The following PTPN4 variants were observed in gnomAD, a reference collection of about 807,000 sequenced individuals.
The protein encoded by PTPN4 is protein tyrosine phosphatase non-receptor type 4.
PTPN4 carries 49 observed loss-of-function variants against 135.5 expected under a neutral mutation model. That is an observed-to-expected ratio of 0.36 (90% CI 0.29 to 0.46). The LOEUF is 0.46. PTPN4 is among the 20% of genes least tolerant of loss of function. The probability of loss-of-function intolerance (pLI) is 1.00; values close to 1 mark genes in which losing one functional copy is unlikely to be tolerated. For synonymous variants in PTPN4, 333 were observed against 369.9 expected (o/e 0.90, Z 1.14); for missense variants, 860 against 1,101.0 (o/e 0.78, Z 3.10).
At chr2:119,782,730 C>T (rs1203188763) in intron 1 of PTPN4, among the ~76,000 whole-genome samples, 5 of 101,356 alleles carry the variant, frequency 4.9e-5, no homozygotes, top group Non-Finnish European at 8.9e-5. Context: ...TTTTTTGAGA[C>T]GACCTCACTC....
chr2:119,935,545 A>G (rs1678970029), intron 15 of PTPN4, among the ~76,000 whole-genome samples: 2 of 152,174 alleles, frequency 1.3e-5, no homozygotes, highest in Admixed American at 6.5e-5. Flanking sequence ...TGAGCTATCA[A>G]AACAAGTAGG....
intron 22 of PTPN4, among the ~76,000 whole-genome samples, chr2:119,960,063 A>G (rs1385384337): frequency 6.6e-6 from 1 of 152,190 alleles, no homozygotes; most frequent in East Asian, 1.9e-4. Context: ...ATATATGTTT[A>G]TATGTTGTAT....
intron 23 of PTPN4, among the ~76,000 whole-genome samples, chr2:119,961,211 C>A (rs547672094): frequency 2.2e-5 from 1 of 45,874 alleles, no homozygotes; most frequent in African/African-American, 7.0e-5. Flanking sequence ...TTGTGTCTAA[C>A]GTATATACAG....
At chr2:119,804,274 A>G (rs1490296828) in intron 1 of PTPN4, among the ~76,000 whole-genome samples, 3 of 151,602 alleles carry the variant, frequency 2.0e-5, no homozygotes, top group Non-Finnish European at 4.4e-5. Flanking sequence ...CACCATGCTC[A>G]GCTAATTTTT....
chr2:119,864,339 T>G (rs1677801774), intron 3 of PTPN4, among the ~76,000 whole-genome samples: 1 of 152,098 alleles, frequency 6.6e-6, no homozygotes, highest in Admixed American at 6.6e-5. Context: ...CCCTGATCAT[T>G]TAAAGGTGCT....
Position 119,831,638 on chromosome 2 carries a change from T to C in PTPN4, c.138+21647T>C, listed in dbSNP as rs79592871. On this transcript the variant is annotated intron_variant, in intron 2 of 26. Transcript: ENST00000263708. The stretch of plus-strand genomic sequence containing the variant: ...CTTTGTCCCTGTTAAACTCTTTAGC[T>C]CTGAAATCTATTTTATTTGATATTA... Among the ~76,000 whole-genome samples the C allele has an allele frequency of 2.7e-3, 406 of 152,338 alleles. 22 individuals are homozygous for C. In the East Asian group the frequency reaches 0.057, roughly 21 times the overall value.
In PTPN4 at chr2:119,760,160, G is replaced by GCCCGCCTCCCTGCCACCTC. The variant is rs2104911553; in HGVS notation, c.-238_-220dup. On this transcript the variant is annotated 5_prime_UTR_variant, in exon 1 of 27. Transcript: ENST00000263708. The stretch of plus-strand genomic sequence containing the variant: ...AGGGAGGTAGGAGAGGTCGCCGGCT[G>GCCCGCCTCCCTGCCACCTC]CCCGCCTCCCTGCCACCTCCCCAGC... 2.5e-6 allele frequency: 1 copy of GCCCGCCTCCCTGCCACCTC among 393,370 alleles called. No homozygotes were observed. The allele number at this position is 393,370 out of a possible 1,614,324, so 24.4% of individuals were successfully genotyped here. A position where few individuals can be genotyped will look rare whatever the true frequency, so the allele number is the denominator to read the frequency against.
At chr2:119,893,507 G>A (rs1678272982) in intron 9 of PTPN4, among the ~76,000 whole-genome samples, 1 of 152,076 alleles carries the variant, frequency 6.6e-6, no homozygotes, top group Non-Finnish European at 1.5e-5. Flanking sequence ...GGAAAAGTCT[G>A]GACTAGAAAT....
intron 2 of PTPN4, among the ~76,000 whole-genome samples, chr2:119,859,385 A>G (rs1677726677): frequency 6.6e-6 from 1 of 152,210 alleles, no homozygotes; most frequent in African/African-American, 2.4e-5. Flanking sequence ...GCTTTGTAGT[A>G]GGGAGTCACC....
At chr2:119,972,089 T>G (rs1036192239) in intron 26 of PTPN4, among the ~76,000 whole-genome samples, 3 of 152,210 alleles carry the variant, frequency 2.0e-5, no homozygotes, top group African/African-American at 7.2e-5. Flanking sequence ...TCCGTAACTC[T>G]TTTTCATTTT....
At chr2:119,962,085 T>C (rs1188018804) in intron 23 of PTPN4, among the ~76,000 whole-genome samples, 3 of 152,148 alleles carry the variant, frequency 2.0e-5, no homozygotes, top group Non-Finnish European at 4.4e-5. Flanking sequence ...TAAAAAATCT[T>C]AAGATTTAAT....
chr2:119,981,017 C>G lies in PTPN4; in HGVS notation c.*3947C>G, dbSNP rs1241675474. 6.6e-6 allele frequency: 1 copy of G among 151,942 alleles called. No individual in the cohort carries two copies. The highest frequency in any genetic ancestry group is 1.5e-5 in the Non-Finnish European group (1 of 67,902). 9.4% of individuals were successfully genotyped at this position (151,942 alleles called of 1,614,324 possible). A position where few individuals can be genotyped will look rare whatever the true frequency, so the allele number is the denominator to read the frequency against. Reference sequence around the variant, plus strand: ...GAGAGAAGGAAACATTAGTTTATAACAATGTGCTATTTAATATCTGTATTT... The same window carrying G: ...GAGAGAAGGAAACATTAGTTTATAAGAATGTGCTATTTAATATCTGTATTT... On this transcript the variant is annotated 3_prime_UTR_variant, in exon 27 of 27. Coordinates refer to ENST00000263708, the MANE Select transcript of PTPN4 (RefSeq NM_002830.4).
intron 26 of PTPN4, among the ~76,000 whole-genome samples, chr2:119,970,350 AG>A (rs1225891859): frequency 6.6e-6 from 1 of 152,064 alleles, no homozygotes; most frequent in Non-Finnish European, 1.5e-5. Flanking sequence ...ATGAGCCACC[AG>A]GCCCGGCTAT....
chr2:119,867,026 A>C (rs1677843212), intron 3 of PTPN4, among the ~76,000 whole-genome samples: 1 of 152,140 alleles, frequency 6.6e-6, no homozygotes, highest in African/African-American at 2.4e-5. Flanking sequence ...AAGAAGCAGG[A>C]GCATATGCAG....
intron 23 of PTPN4, among the ~76,000 whole-genome samples, 161 bp from the exon 24 acceptor site, chr2:119,962,455 A>AC (rs1679379958): frequency 6.9e-6 from 1 of 143,928 alleles, no homozygotes; most frequent in Admixed American, 6.9e-5. Context: ...ACTCCATCGC[A>AC]AAAAAAAAAA....
At chr2:119,915,121 T>G in intron 10 of PTPN4, 58 bp from the exon 11 acceptor site, 1 of 1,346,082 alleles carries the variant, frequency 7.4e-7, no homozygotes. Context: ...TTTTTCATAA[T>G]TTGTTAATAT....
intron 10 of PTPN4, among the ~76,000 whole-genome samples, chr2:119,906,101 T>G (rs1372661164): frequency 6.6e-6 from 1 of 151,926 alleles, no homozygotes; most frequent in Admixed American, 6.6e-5. Flanking sequence ...GAAAAAGCAA[T>G]AAAGATCAGA....
chr2:119,960,025 A>C (rs934498911), intron 22 of PTPN4, among the ~76,000 whole-genome samples: 1 of 152,196 alleles, frequency 6.6e-6, no homozygotes, highest in African/African-American at 2.4e-5. Flanking sequence ...TTTTTAAGCA[A>C]CAGTTTTACA....
intron 1 of PTPN4, among the ~76,000 whole-genome samples, chr2:119,808,719 A>C (rs1446560160): frequency 6.6e-6 from 1 of 152,088 alleles, no homozygotes; most frequent in Non-Finnish European, 1.5e-5. Flanking sequence ...CACCCAGCCC[A>C]ATCACTGTCT....
Sources: gnomAD v4.1 joint callset for allele counts (sites outside exome capture counted in the v4.1 genomes callset) on GRCh38, gnomAD v4.1.1 for gene constraint, MANE v1.5 for transcripts, NCBI Gene and HGNC (gene_info 2026-07-23, HGNC 2026-07-21) for gene names.